The following CPD variants were observed in gnomAD, a reference collection of about 807,000 sequenced individuals.
The protein encoded by CPD is carboxypeptidase D.
CPD carries 69 observed loss-of-function variants against 138.3 expected under a neutral mutation model. The observed-to-expected ratio is 0.50, with a 90% CI of 0.41 to 0.61. The LOEUF (loss-of-function observed/expected upper bound fraction) is 0.61, where lower values mean the gene tolerates loss of function less well. Among genes scored for constraint, CPD ranks in the 20% least tolerant of loss-of-function variants. The pLI is 0.00. For synonymous variants in CPD, 651 were observed against 642.1 expected, an observed-to-expected ratio of 1.01 and a Z score of -0.21; for missense variants, 1,432 against 1,733.3, an observed-to-expected ratio of 0.83 and a Z score of 3.09.
intron 5 of CPD, 22 bp downstream of exon 5, chr17:30,423,045 A>T: frequency 6.5e-7 from 1 of 1,541,416 alleles, no homozygotes; most frequent in Non-Finnish European, 8.9e-7. Context: ...GGTCTTACAC[A>T]TAATTTCAGT....
intron 2 of CPD, among the ~76,000 whole-genome samples, chr17:30,411,493 A>G (rs1911966947): frequency 6.6e-6 from 1 of 152,172 alleles, no homozygotes; most frequent in Non-Finnish European, 1.5e-5. Flanking sequence ...TTTCAGGTAC[A>G]CCAATCAAAT....
chr17:30,408,219 A>G (rs1911858118), intron 2 of CPD, among the ~76,000 whole-genome samples: 1 of 152,092 alleles, frequency 6.6e-6, no homozygotes, highest in South Asian at 2.1e-4. Flanking sequence ...GCCTTGTAGT[A>G]TAGTTTGAAG....
chr17:30,401,239 C>A (rs1911651476), intron 2 of CPD, among the ~76,000 whole-genome samples: 1 of 127,076 alleles, frequency 7.9e-6, no homozygotes. Flanking sequence ...TCTGCTTCTG[C>A]TGCTGCTTCT....
chr17:30,456,928 G>C (rs928548982), intron 17 of CPD: 3 of 171,770 alleles, frequency 1.7e-5, no homozygotes, highest in African/African-American at 7.3e-5. Flanking sequence ...TTCTGGTATT[G>C]TAAAGTGAAT....
At chr17:30,438,908 C>G in intron 8 of CPD, 67 bp from the exon 9 acceptor site, 1 of 1,003,390 alleles carries the variant, frequency 1.0e-6, no homozygotes, top group Non-Finnish European at 1.5e-6. Context: ...TTTCCTGTAT[C>G]TTTCCAGTAT....
At chr17:30,446,934 A>G (rs1384021594) in intron 12 of CPD, among the ~76,000 whole-genome samples, 1 of 152,186 alleles carries the variant, frequency 6.6e-6, no homozygotes, top group African/African-American at 2.4e-5. Context: ...AGTGATGATG[A>G]GCATTTTTTT....
chr17:30,428,051 A>T (rs1381077326), intron 7 of CPD, among the ~76,000 whole-genome samples: 1 of 152,140 alleles, frequency 6.6e-6, no homozygotes, highest in Non-Finnish European at 1.5e-5. Flanking sequence ...CCAAATGTTT[A>T]GTTCTGTTTT....
Position 30,379,308 on chromosome 17 carries a change from G to A in CPD, c.328G>A (p.Gly110Ser). The A allele has an allele frequency of 2.7e-6, 4 of 1,499,602 alleles. No homozygotes were observed. The South Asian group carries it at 5.0e-5, about 19-fold the overall frequency. 92.9% of individuals were successfully genotyped at this position (1,499,602 alleles called of 1,614,324 possible). ...CGGCCTGGGGTCGCTAATCCCTGAG[G>A]GCGACGCGGGGCCTGACGCTGCCGG... Reference protein sequence around the residue: ...TAGLGSLIPEGDAGPDAAGPD... With the variant: ...TAGLGSLIPESDAGPDAAGPD... The change falls in exon 1 of 21, where the codon GGC becomes AGC. Residue 110 changes from glycine to serine, a missense_variant. Physicochemically the swap from Gly to Ser is moderately conservative, Grantham distance 56. This residue lies in a region of CPD where 484 missense variants were observed against 477.2 expected (regional missense o/e 1.01). Coordinates refer to ENST00000225719, the MANE Select transcript of CPD (RefSeq NM_001304.5). This position sits in a 1 kb window ranked among gnomAD's most constrained non-coding sequence, Gnocchi z 7.0.
chr17:30,393,843 T>G (rs1911421072), intron 2 of CPD, among the ~76,000 whole-genome samples: 2 of 152,178 alleles, frequency 1.3e-5, no homozygotes, highest in South Asian at 4.1e-4. Flanking sequence ...ACAACAAAGA[T>G]ACACAGGTAA....
intron 13 of CPD, 49 bp from the exon 14 acceptor site, chr17:30,451,662 T>C (rs1449788890): frequency 3.2e-6 from 5 of 1,580,008 alleles, no homozygotes; most frequent in Non-Finnish European, 4.3e-6. Context: ...AGGGTACCCA[T>C]TGATTCTACA....
rs141561458 is a variant in CPD, at chr17:30,446,177, C to CT, written c.2873+167dup. ...TTGCAACATGTATTTGCTTGGAGAT[C>CT]TTTTTTTTTTAATTATGCTTTAAGT... On this transcript the variant is annotated intron_variant, in intron 12 of 20. Transcript: ENST00000225719. Among the ~76,000 whole-genome samples, 8 of 147,934 alleles carry CT rather than the reference C, an allele frequency of 5.4e-5. No individual in the cohort carries two copies. In the East Asian group the frequency reaches 5.9e-4, roughly 11 times the overall value.
chr17:30,424,796 A>G (rs1597720732), intron 6 of CPD, among the ~76,000 whole-genome samples: 1 of 152,214 alleles, frequency 6.6e-6, no homozygotes, highest in African/African-American at 2.4e-5. Flanking sequence ...ATCTTTTCCC[A>G]GCCCATGATT....
Position 30,423,583 on chromosome 17 carries a change from G to A in CPD, c.1735G>A (p.Glu579Lys). ...VGRELLLNLI[E>K]YLCKNFGTDP... ...AAGAGAACTGCTGTTGAACCTCATA[G>A]AATACCTTTGTAAGAACTTTGGAAC... is the stretch of plus-strand genomic sequence containing the variant. Residue 579 changes from glutamate to lysine, a missense_variant, in exon 6 of 21, where the codon GAA becomes AAA. This residue lies in a region of CPD where 297 missense variants were observed against 405.3 expected (regional missense o/e 0.73). Transcript: ENST00000225719. The A allele has an allele frequency of 6.2e-7, 1 of 1,612,378 alleles. No individual in the cohort carries two copies.
Position 30,379,197 on chromosome 17 carries a change from G to T in CPD, c.217G>T (p.Ala73Ser). Residue 73 changes from alanine (A) to serine (S), a missense_variant, in exon 1 of 21, where the codon GCC (alanine) becomes TCC (serine). Transcript: ENST00000225719. This position sits in a 1 kb window ranked among gnomAD's most constrained non-coding sequence, Gnocchi z 7.0. The stretch of plus-strand genomic sequence containing the variant: ...GGAGTCGGCGCTGAGGGAGGCGGCG[G>T]CCGCGGGCCTCCCCGGCCTGGCCCG... ...ELESALREAAAAGLPGLARLF... is the reference protein window; with the variant it reads ...ELESALREAASAGLPGLARLF... 1 of 1,530,220 alleles carries T rather than the reference G, an allele frequency of 6.5e-7. No individual in the cohort carries two copies. The allele number at this position is 1,530,220 out of a possible 1,614,324, so 94.8% of individuals were successfully genotyped here.
At chr17:30,405,214 T>A (rs1288574798) in intron 2 of CPD, among the ~76,000 whole-genome samples, 1 of 151,620 alleles carries the variant, frequency 6.6e-6, no homozygotes, top group African/African-American at 2.4e-5. Flanking sequence ...GGGGAAAGAG[T>A]AAAGGTCATC....
intron 2 of CPD, among the ~76,000 whole-genome samples, chr17:30,406,530 C>A (rs928474604): frequency 1.3e-5 from 2 of 152,078 alleles, no homozygotes; most frequent in African/African-American, 4.8e-5. Context: ...CCTTTAAAAA[C>A]CTGATTAGGT....
rs1424315378 is a variant in CPD at position 30,456,479 on chromosome 17, G to T, written c.3451G>T (p.Gly1151Ter). 6.2e-7 allele frequency: 1 copy of T among 1,614,180 alleles called. No homozygotes were observed. The highest frequency in any genetic ancestry group is 8.5e-7 in the Non-Finnish European group (1 of 1,180,010). The change falls in exon 17 of 21, where the codon GGA (glycine) becomes TGA (stop). Residue 1151 changes from glycine to a stop codon, truncating the protein, a stop_gained. Coordinates refer to ENST00000225719, the MANE Select transcript of CPD (RefSeq NM_001304.5). LOFTEE classifies it high-confidence loss of function. ...PNKSDENIPG[G>*]VMRGAEWHSH... is the part of the protein sequence containing the mutation. Reference sequence around the variant, plus strand: ...TTTTATAGATGAGAATATTCCAGGAGGAGTAATGCGTGGAGCAGAATGGCA... The same window carrying T: ...TTTTATAGATGAGAATATTCCAGGATGAGTAATGCGTGGAGCAGAATGGCA...
At position 30,461,318 on chromosome 17, in the gene CPD, C is replaced by G; in HGVS notation, c.3630+7C>G. ...TCTTAGTATGTTAGTGGAGGTGAGT[C>G]TTTTCCTTTTAACTAGAGGCAAACT... On this transcript the variant is annotated splice_region_variant and intron_variant, in intron 18 of 20. Transcript: ENST00000225719. 6.4e-7 allele frequency: 1 copy of G among 1,558,750 alleles called. No individual in the cohort carries two copies. The highest frequency in any genetic ancestry group is 8.7e-7 in the Non-Finnish European group (1 of 1,154,524).
chr17:30,443,015 T>TTA (rs1912920754), intron 10 of CPD, among the ~76,000 whole-genome samples: 2 of 152,040 alleles, frequency 1.3e-5, no homozygotes, highest in African/African-American at 4.8e-5. Context: ...GAGTTTTTTT[T>TTA]ACTATATTTA....
Sources: allele counts gnomAD v4.1 joint callset (sites outside exome capture counted in the v4.1 genomes callset), GRCh38; gene constraint gnomAD v4.1.1; regional missense constraint gnomAD v4.1.1; non-coding constraint Gnocchi (gnomAD v3.1); transcripts MANE v1.5; gene names NCBI Gene and HGNC (gene_info 2026-07-23, HGNC 2026-07-21).